ARHGAP22: variants seen among roughly 807,000 people sequenced by gnomAD.
ARHGAP22 encodes rho GTPase-activating protein 22.
Under a neutral mutation model 59.1 loss-of-function variants are expected in ARHGAP22, and 48 were observed. The ratio of observed to expected loss-of-function variants is 0.81; its 90% CI spans 0.64 to 1.03. The LOEUF (loss-of-function observed/expected upper bound fraction) is 1.03. ARHGAP22 is among the 50% of genes least tolerant of loss of function. ARHGAP22 has a pLI of 0.00. For missense variants in ARHGAP22, 1,015 were observed against 958.7 expected, an observed-to-expected ratio of 1.06 and a Z score of -0.78; for synonymous variants, 445 against 416.4, an observed-to-expected ratio of 1.07 and a Z score of -0.84.
intron 1 of ARHGAP22, among the ~76,000 whole-genome samples, chr10:48,602,226 C>T (rs1174034115): frequency 4.6e-5 from 7 of 152,084 alleles, no homozygotes; most frequent in Non-Finnish European, 1.0e-4. Context: ...CTTTCTCTCC[C>T]CACCCCCAAA....
intron 4 of ARHGAP22, among the ~76,000 whole-genome samples, chr10:48,463,501 C>T (rs113270191): frequency 2.6e-5 from 4 of 152,194 alleles, no homozygotes; most frequent in African/African-American, 9.7e-5. Flanking sequence ...TGCCTGCCGC[C>T]TGCCTCCTGC....
intron 1 of ARHGAP22, among the ~76,000 whole-genome samples, chr10:48,619,925 A>G (rs1337345566): frequency 6.6e-6 from 1 of 152,216 alleles, no homozygotes; most frequent in Non-Finnish European, 1.5e-5. Context: ...TGCAGAGTGG[A>G]AAAAATATTT....
At chr10:48,528,380 C>T (rs147483775) in intron 3 of ARHGAP22, among the ~76,000 whole-genome samples, 72 of 152,290 alleles carry the variant, frequency 4.7e-4, no homozygotes, top group African/African-American at 1.7e-3. Context: ...AATGATCATT[C>T]TTTCCTTCAC....
At chr10:48,589,658 A>T (rs2059635657) in intron 1 of ARHGAP22, among the ~76,000 whole-genome samples, 1 of 152,170 alleles carries the variant, frequency 6.6e-6, no homozygotes, top group Non-Finnish European at 1.5e-5. Flanking sequence ...ACAGTCCCTT[A>T]GTTTCCAAAT....
intron 3 of ARHGAP22, among the ~76,000 whole-genome samples, chr10:48,509,223 C>T (rs1018846481): frequency 6.6e-6 from 1 of 152,120 alleles, no homozygotes; most frequent in African/African-American, 2.4e-5. Context: ...ACTCAGCTGG[C>T]GAGCCTGGCG....
chr10:48,457,064 G>A (rs1489086016), intron 5 of ARHGAP22, among the ~76,000 whole-genome samples: 1 of 152,120 alleles, frequency 6.6e-6, no homozygotes, highest in Non-Finnish European at 1.5e-5. Context: ...CTGGTCAGGG[G>A]ACGAGGTGCC....
At chr10:48,460,044 G>T (rs2046986561) in intron 4 of ARHGAP22, among the ~76,000 whole-genome samples, 153 bp from the exon 5 acceptor site, 1 of 152,190 alleles carries the variant, frequency 6.6e-6, no homozygotes, top group Admixed American at 6.5e-5. Context: ...AGAAGGCTGT[G>T]CCCTGGCCGC....
At chr10:48,642,597 T>C (rs2062098208) in intron 1 of ARHGAP22, among the ~76,000 whole-genome samples, 1 of 152,164 alleles carries the variant, frequency 6.6e-6, no homozygotes, top group Non-Finnish European at 1.5e-5. Flanking sequence ...TCAAGATGGG[T>C]TAAAGACTTA....
In ARHGAP22 at chr10:48,450,355, G is replaced by C. The variant is rs760488434; in HGVS notation, c.1774C>G (p.His592Asp). The change falls in exon 9 of 10, where the codon CAC becomes GAC. Residue 592 changes from histidine to aspartate, a missense_variant. Coordinates refer to ENST00000249601, the MANE Select transcript of ARHGAP22 (RefSeq NM_021226.4). ...TGTAAGGCCTCGGAGCGGCGCGCGT[G>C]TTCCCGGGTGGGGCTGTCCGGCTCG... The part of the protein sequence containing the change: ...PSEPDSPTRE[H>D]ARRSEALQGL... The C allele has an allele frequency of 1.3e-6, 2 of 1,589,688 alleles. No homozygotes were observed. Among genetic ancestry groups the C allele is most frequent in the Non-Finnish European group, 8.6e-7 (1 of 1,168,614 alleles).
chr10:48,539,668 C>T (rs1389460259), intron 3 of ARHGAP22, among the ~76,000 whole-genome samples: 1 of 152,246 alleles, frequency 6.6e-6, no homozygotes, highest in South Asian at 2.1e-4. Context: ...TTTGAAATGT[C>T]TAATATTTTA....
intron 3 of ARHGAP22, among the ~76,000 whole-genome samples, chr10:48,533,282 A>G (rs935080774): frequency 1.3e-5 from 2 of 151,076 alleles, no homozygotes; most frequent in African/African-American, 4.9e-5. Flanking sequence ...CTAGAGAAAA[A>G]GCTCTAGATC....
chr10:48,519,407 T>C (rs533854044), intron 3 of ARHGAP22, among the ~76,000 whole-genome samples: 3 of 152,322 alleles, frequency 2.0e-5, no homozygotes, highest in Admixed American at 2.0e-4. Flanking sequence ...CAGGAACCCA[T>C]GCCCAGAGCT....
At chr10:48,650,384 A>G (rs1431790419) in intron 1 of ARHGAP22, among the ~76,000 whole-genome samples, 1 of 152,140 alleles carries the variant, frequency 6.6e-6, no homozygotes, top group East Asian at 1.9e-4. Flanking sequence ...AGAGTTGGAA[A>G]ATCCATGGAG....
intron 1 of ARHGAP22, among the ~76,000 whole-genome samples, chr10:48,585,696 T>C (rs1346801957): frequency 6.6e-6 from 1 of 152,238 alleles, no homozygotes; most frequent in Admixed American, 6.5e-5. Context: ...GGTGTCAGAC[T>C]GTCTAGGTCC....
intron 3 of ARHGAP22, among the ~76,000 whole-genome samples, chr10:48,555,237 C>T (rs1435506741): frequency 6.6e-6 from 1 of 152,226 alleles, no homozygotes; most frequent in Non-Finnish European, 1.5e-5. Context: ...ATTTAAAAAT[C>T]CTCGTTTCGC....
rs113086693 is a variant in ARHGAP22 at position 48,523,134 on chromosome 10, C to A, written c.322+32329G>T. ...AGACCTAGTGCTCATTCTGGCAGAG[C>A]CTGCCTTACCCTATATGGTTTACAG... On this transcript the variant is annotated intron_variant, in intron 3 of 9. Coordinates refer to ENST00000249601, the MANE Select transcript of ARHGAP22 (RefSeq NM_021226.4). Among the ~76,000 whole-genome samples the A allele has an allele frequency of 6.3e-4, 96 of 152,206 alleles. 1 individual carries two copies. The highest frequency in any genetic ancestry group is 7.9e-4 in the Admixed American group (12 of 15,282).
At chr10:48,432,347 T>G in the ARHGAP22 span, among the ~76,000 whole-genome samples, 3 of 152,242 alleles carry the variant, frequency 2.0e-5, no homozygotes, top group Admixed American at 6.5e-5. Flanking sequence ...TTTTGTGGCT[T>G]GCTTTGACAT....
At chr10:48,590,576 G>A (rs2059691714) in intron 1 of ARHGAP22, among the ~76,000 whole-genome samples, 1 of 152,170 alleles carries the variant, frequency 6.6e-6, no homozygotes, top group Non-Finnish European at 1.5e-5. Context: ...CCCATCCCAT[G>A]CCTCTATATT....
chr10:48,543,980 C>A (rs901268718), intron 3 of ARHGAP22, among the ~76,000 whole-genome samples: 1 of 152,036 alleles, frequency 6.6e-6, no homozygotes, highest in East Asian at 1.9e-4. Context: ...AGAAATTAGC[C>A]GGACATGGTG....
Sources: allele counts gnomAD v4.1 joint callset (sites outside exome capture counted in the v4.1 genomes callset), GRCh38; gene constraint gnomAD v4.1.1; transcripts MANE v1.5; gene names NCBI Gene and HGNC (gene_info 2026-07-23, HGNC 2026-07-21).